ALDH7A1: variants seen among roughly 807,000 people sequenced by gnomAD.
The protein encoded by ALDH7A1 is alpha-aminoadipic semialdehyde dehydrogenase.
In ALDH7A1, 63 loss-of-function variants were observed where a neutral mutation model predicts 79.9. The observed-to-expected ratio is 0.79, with a 90% CI of 0.64 to 0.97. ALDH7A1 has a LOEUF of 0.97. Ranked by LOEUF, ALDH7A1 falls within the 50% of genes least tolerant of loss-of-function variation. The pLI is 0.00. For synonymous variants in ALDH7A1, 240 were observed against 231.2 expected (o/e 1.04, Z -0.34); for missense variants, 627 against 665.2 (o/e 0.94, Z 0.63).
In ALDH7A1 at chr5:126,555,987, A is replaced by G. The variant is rs1405914019; in HGVS notation, c.1037T>C (p.Val346Ala). ...LFIHESIHDEVVNRLKKAYAQ... is the reference protein window; with the variant it reads ...LFIHESIHDEAVNRLKKAYAQ... ...ATAGGCCTTTTTAAGTCTGTTTACA[A>G]CCTCATCATGGATGCTTTCATGTAT... is the stretch of plus-strand genomic sequence containing the variant. The change falls in exon 12 of 18, where the codon GTT (valine) becomes GCT (alanine). Residue 346 changes from valine (V) to alanine (A), a missense_variant. Transcript: ENST00000409134. The G allele has an allele frequency of 1.2e-6, 2 of 1,613,416 alleles. No homozygotes were observed. Among genetic ancestry groups the G allele is most frequent in the South Asian group, 1.1e-5 (1 of 91,080 alleles).
chr5:126,577,314 C>T (rs930824277), intron 5 of ALDH7A1, 103 bp from the exon 6 acceptor site: 8 of 1,467,742 alleles, frequency 5.5e-6, no homozygotes, highest in Admixed American at 3.9e-5. Context: ...TTCCAGATGC[C>T]TTATAGTGGG....
At chr5:126,589,774 G>C (rs911383705) in intron 3 of ALDH7A1, among the ~76,000 whole-genome samples, 1 of 151,396 alleles carries the variant, frequency 6.6e-6, no homozygotes, top group African/African-American at 2.4e-5. Context: ...CAACTGACTG[G>C]GAAGTGAGGA....
At chr5:126,594,644 C>T (rs1461633579) in intron 1 of ALDH7A1, among the ~76,000 whole-genome samples, 2 of 151,826 alleles carry the variant, frequency 1.3e-5, no homozygotes, top group Non-Finnish European at 2.9e-5. Flanking sequence ...CAAGGTTTCT[C>T]CATGTCGGTC....
In ALDH7A1 at chr5:126,554,320, C is replaced by T. The variant is rs767913793; in HGVS notation, c.1167G>A (p.Lys389=). 6.2e-7 allele frequency: 1 copy of T among 1,614,120 alleles called. No homozygotes were observed. The highest frequency in any genetic ancestry group is 1.1e-5 in the South Asian group (1 of 91,082). ...CATAGACCACTGTGCCACCTTCTTT[C>T]TTTGCTTCTTCCACTGCTCCAAGAA... ...SMFLGAVEEA[K]KEGGTVVYGG... The change falls in exon 13 of 18, where the codon AAG becomes AAA. Residue 389 remains lysine (K), a synonymous_variant. Transcript: ENST00000409134.
intron 16 of ALDH7A1, among the ~76,000 whole-genome samples, chr5:126,547,920 C>T (rs535532570): frequency 1.2e-4 from 18 of 151,962 alleles, no homozygotes; most frequent in Admixed American, 3.3e-4. Flanking sequence ...GGCATGGTGG[C>T]GTGCACCTGT....
rs372328305 is a variant in ALDH7A1 at position 126,595,088 on chromosome 5, G to A, written c.111C>T (p.Pro37=). ...AFMSTLLINQ[P]QYAWLKELGL... ...CCAGCTCTTTCAGCCACGCATACTGGGGCTGATTGATGAGGAGAGTGGACA... is the reference window on the plus strand; with the variant it reads ...CCAGCTCTTTCAGCCACGCATACTGAGGCTGATTGATGAGGAGAGTGGACA... The change falls in exon 1 of 18, where the codon CCC becomes CCT. Residue 37 remains proline, a synonymous_variant. Coordinates refer to ENST00000409134, the MANE Select transcript of ALDH7A1 (RefSeq NM_001182.5). The A allele has an allele frequency of 6.2e-7, 1 of 1,603,574 alleles. No individual in the cohort carries two copies. The highest frequency in any genetic ancestry group is 1.3e-5 in the African/African-American group (1 of 74,552).
In ALDH7A1 at chr5:126,541,858, T is replaced by C. The variant is rs564310704; in HGVS notation, c.*3107A>G. On this transcript the variant is annotated 3_prime_UTR_variant, in exon 18 of 18. Transcript: ENST00000409134. ...TTGTCTAATTGGAGTTGAGGAATTATTTTTATTTTTAAAAGGGAAATTAAC... is the reference window on the plus strand; with the variant it reads ...TTGTCTAATTGGAGTTGAGGAATTACTTTTATTTTTAAAAGGGAAATTAAC... The C allele has an allele frequency of 3.8e-4, 58 of 152,296 alleles. No homozygotes were observed. Among genetic ancestry groups the C allele is most frequent in the African/African-American group, 1.3e-3 (56 of 41,556 alleles). The allele number at this position is 152,296 out of a possible 1,614,324, so 9.4% of individuals were successfully genotyped here. A position where few individuals can be genotyped will look rare whatever the true frequency, so the allele number is the denominator to read the frequency against.
intron 3 of ALDH7A1, among the ~76,000 whole-genome samples, chr5:126,585,100 C>T (rs947524509): frequency 1.3e-5 from 2 of 152,100 alleles, no homozygotes; most frequent in Non-Finnish European, 1.5e-5. Flanking sequence ...GAGTTCAAGA[C>T]GAGCCTGGCC....
intron 10 of ALDH7A1, 106 bp from the exon 11 acceptor site, chr5:126,559,440 T>C (rs1340990846): frequency 1.3e-5 from 11 of 824,634 alleles, no homozygotes; most frequent in East Asian, 2.9e-5. Context: ...TTTGGTTTTT[T>C]TTTTTTTTTT....
intron 17 of ALDH7A1, among the ~76,000 whole-genome samples, chr5:126,545,876 G>T (rs1042287548): frequency 6.6e-6 from 1 of 150,378 alleles, no homozygotes; most frequent in Admixed American, 6.6e-5. Flanking sequence ...ACTTTGAGAG[G>T]CCGAGGCAGG....
chr5:126,544,363 A>G lies in ALDH7A1; in HGVS notation c.*602T>C, dbSNP rs888079766. ...GGAACAAAATCTGTCTACCCCAGAAATCTCTTCCAAGTTGACACAGCCTTC... is the reference window on the plus strand; with the variant it reads ...GGAACAAAATCTGTCTACCCCAGAAGTCTCTTCCAAGTTGACACAGCCTTC... On this transcript the variant is annotated 3_prime_UTR_variant, in exon 18 of 18. Coordinates refer to ENST00000409134, the MANE Select transcript of ALDH7A1 (RefSeq NM_001182.5). The G allele has an allele frequency of 1.3e-5, 2 of 156,260 alleles. No individual in the cohort carries two copies. Among genetic ancestry groups the G allele is most frequent in the African/African-American group, 4.8e-5 (2 of 41,452 alleles). The allele number at this position is 156,260 out of a possible 1,614,324, so 9.7% of individuals were successfully genotyped here.
intron 7 of ALDH7A1, chr5:126,571,156 T>C: frequency 4.7e-6 from 1 of 210,792 alleles, no homozygotes; most frequent in Non-Finnish European, 8.0e-6. Context: ...GCAGATTTTT[T>C]TTTTTTTTTT....
At chr5:126,552,826 T>C (rs773444576) in intron 13 of ALDH7A1, among the ~76,000 whole-genome samples, 1 of 152,010 alleles carries the variant, frequency 6.6e-6, no homozygotes, top group African/African-American at 2.4e-5. Flanking sequence ...CATGACTCAT[T>C]GCAGCCTCGA....
At chr5:126,570,627 T>G (rs1050532835) in intron 8 of ALDH7A1, 155 bp downstream of exon 8, 15 of 775,186 alleles carry the variant, frequency 1.9e-5, no homozygotes, top group Non-Finnish European at 3.2e-5. Context: ...TAGGCATTAA[T>G]AAAATAAGAA....
chr5:126,563,349 A>G (rs2112774811), intron 9 of ALDH7A1, among the ~76,000 whole-genome samples: 1 of 152,348 alleles, frequency 6.6e-6, no homozygotes, highest in East Asian at 1.9e-4. Context: ...ACCACTCCAT[A>G]GCATTCCATC....
intron 8 of ALDH7A1, 103 bp downstream of exon 8, chr5:126,570,679 T>C (rs1750740464): frequency 8.7e-7 from 1 of 1,143,290 alleles, no homozygotes; most frequent in African/African-American, 1.5e-5. Flanking sequence ...AAAACCATTC[T>C]CAACTCCTTA....
chr5:126,545,567 C>A (rs192548685), intron 17 of ALDH7A1, among the ~76,000 whole-genome samples: 7 of 145,954 alleles, frequency 4.8e-5, no homozygotes, highest in Non-Finnish European at 6.0e-5. Flanking sequence ...GCGTGGATCA[C>A]CTGAGGTCAG....
intron 7 of ALDH7A1, 22 bp downstream of exon 7, chr5:126,575,398 A>G: frequency 6.2e-7 from 1 of 1,612,216 alleles, no homozygotes; most frequent in Non-Finnish European, 8.5e-7. Flanking sequence ...TACCCAGGAA[A>G]AAGAAAGCCA....
At chr5:126,571,243 C>T (rs565062809) in intron 7 of ALDH7A1, 215 of 271,872 alleles carry the variant, frequency 7.9e-4, no homozygotes, top group African/African-American at 4.0e-3. Context: ...TTTGGGAGGC[C>T]GAAGCAGGTG....
Sources: allele counts gnomAD v4.1 joint callset (sites outside exome capture counted in the v4.1 genomes callset), GRCh38; gene constraint gnomAD v4.1.1; transcripts MANE v1.5; gene names NCBI Gene and HGNC (gene_info 2026-07-23, HGNC 2026-07-21).